The following CNTNAP4 variants were observed in gnomAD, a reference collection of about 807,000 sequenced individuals.
CNTNAP4 encodes the protein contactin-associated protein-like 4.
In CNTNAP4, 98 loss-of-function variants were observed where a neutral mutation model predicts 148.4. The observed-to-expected ratio is 0.66, with a 90% confidence interval of 0.56 to 0.78. The LOEUF is 0.78. Ranked by LOEUF, CNTNAP4 falls within the 30% of genes least tolerant of loss-of-function variation. The pLI, the probability that CNTNAP4 is intolerant of heterozygous loss-of-function variation, is 0.00. For missense variants in CNTNAP4, 1,935 were observed against 1,565.6 expected (o/e 1.24, Z -3.98); for synonymous variants, 730 against 565.1 (o/e 1.29, Z -4.14).
At chr16:76,548,483 T>G (rs1239426259) in intron 21 of CNTNAP4, among the ~76,000 whole-genome samples, 1 of 152,020 alleles carries the variant, frequency 6.6e-6, no homozygotes, top group Non-Finnish European at 1.5e-5. Flanking sequence ...TTACATGTAT[T>G]GTCGTATCTT....
chr16:76,299,222 T>C (rs972619594), intron 1 of CNTNAP4, among the ~76,000 whole-genome samples: 2 of 152,024 alleles, frequency 1.3e-5, no homozygotes, highest in Non-Finnish European at 2.9e-5. Flanking sequence ...ACATACAGAA[T>C]GGGAGAAAAT....
At chr16:76,408,441 C>G (rs2078681333) in intron 3 of CNTNAP4, among the ~76,000 whole-genome samples, 1 of 148,456 alleles carries the variant, frequency 6.7e-6, no homozygotes, top group South Asian at 2.1e-4. Context: ...ACTAGATACA[C>G]ACAAGTAAAC....
chr16:76,451,607 G>GTGTGTGTGTGTA (rs917567684), intron 7 of CNTNAP4, among the ~76,000 whole-genome samples: 1 of 150,596 alleles, frequency 6.6e-6, no homozygotes, highest in Non-Finnish European at 1.5e-5. Context: ...AGATGTGTGT[G>GTGTGTGTGTGTA]TGTGTGTGTG....
chr16:76,321,880 G>A (rs185430041), intron 2 of CNTNAP4, among the ~76,000 whole-genome samples: 1 of 151,378 alleles, frequency 6.6e-6, no homozygotes, highest in Admixed American at 6.6e-5. Flanking sequence ...TATGAAAAAA[G>A]AGTAAGATAT....
intron 7 of CNTNAP4, 70 bp from the exon 8 acceptor site, chr16:76,452,438 G>T: frequency 6.7e-7 from 1 of 1,496,368 alleles, no homozygotes. Flanking sequence ...TTGAAAAGCA[G>T]CCTTCAAATT....
chr16:76,285,190 A>G (rs752236162), intron 1 of CNTNAP4, among the ~76,000 whole-genome samples: 3 of 151,874 alleles, frequency 2.0e-5, no homozygotes, highest in Non-Finnish European at 4.4e-5. Context: ...GTGAATTTTC[A>G]TTATGGTTCA....
At chr16:76,481,406 G>A (rs1053324621) in intron 12 of CNTNAP4, among the ~76,000 whole-genome samples, 4 of 152,174 alleles carry the variant, frequency 2.6e-5, no homozygotes, top group Non-Finnish European at 5.9e-5. Context: ...ACAGCCGGGT[G>A]CAGTGGCTCA....
chr16:76,379,884 T>TA (rs2015795045), intron 3 of CNTNAP4, among the ~76,000 whole-genome samples: 1 of 152,212 alleles, frequency 6.6e-6, no homozygotes, highest in Admixed American at 6.5e-5. Flanking sequence ...TCTCTACTCT[T>TA]AAGTTCAGAT....
chr16:76,528,182 T>G (rs764171833), intron 17 of CNTNAP4, among the ~76,000 whole-genome samples: 16 of 152,216 alleles, frequency 1.1e-4, no homozygotes, highest in Non-Finnish European at 2.2e-4. Context: ...ATATATAATT[T>G]GGATTTAAAT....
chr16:76,513,429 C>T (rs1485420064), intron 15 of CNTNAP4, among the ~76,000 whole-genome samples: 3 of 152,074 alleles, frequency 2.0e-5, no homozygotes, highest in Non-Finnish European at 2.9e-5. Context: ...TATTACAGCA[C>T]GTGTACTTAC....
At chr16:76,433,909 C>A (rs2079709815) in intron 4 of CNTNAP4, among the ~76,000 whole-genome samples, 2 of 151,806 alleles carry the variant, frequency 1.3e-5, no homozygotes, top group Admixed American at 1.3e-4. Flanking sequence ...TCTGATTGGC[C>A]TAAAATCAAA....
chr16:76,467,412 G>A lies in CNTNAP4; in HGVS notation c.1544G>A (p.Cys515Tyr). The A allele has an allele frequency of 1.2e-6, 2 of 1,613,902 alleles. No individual in the cohort carries two copies. The highest frequency in any genetic ancestry group is 1.7e-6 in the Non-Finnish European group (2 of 1,179,838). Residue 515 changes from cysteine to tyrosine, a missense_variant, in exon 10 of 24, where the codon TGT (cysteine) becomes TAT (tyrosine). Cys to Tyr is a radical substitution (Grantham distance 194). Transcript: ENST00000611870. ...CKSPLGGFQGCMRLISISGKV... is the reference protein window; with the variant it reads ...CKSPLGGFQGYMRLISISGKV... Reference sequence around the variant, plus strand: ...AGTCCACTTGGTGGATTTCAGGGATGTATGAGGCTCATTTCTATCAGCGGC... The same window carrying A: ...AGTCCACTTGGTGGATTTCAGGGATATATGAGGCTCATTTCTATCAGCGGC...
chr16:76,451,599 A>ATGTGTGTGTG (rs71134761), intron 7 of CNTNAP4, among the ~76,000 whole-genome samples: 16,152 of 141,174 alleles, frequency 0.11, 1,062 homozygotes, highest in East Asian at 0.18. Flanking sequence ...TTTTAGATAG[A>ATGTGTGTGTG]TGTGTGTGTG....
At chr16:76,528,512 G>A (rs1019584934) in intron 17 of CNTNAP4, among the ~76,000 whole-genome samples, 3 of 152,104 alleles carry the variant, frequency 2.0e-5, no homozygotes, top group South Asian at 2.1e-4. Flanking sequence ...AGATCCACCC[G>A]CCTTGGCCTC....
intron 2 of CNTNAP4, among the ~76,000 whole-genome samples, chr16:76,338,393 C>G (rs1302708156): frequency 6.6e-6 from 1 of 152,122 alleles, no homozygotes; most frequent in African/African-American, 2.4e-5. Flanking sequence ...CCCTTTGCTC[C>G]CTTCACTCCC....
At chr16:76,460,588 C>T (rs777158899) in intron 8 of CNTNAP4, among the ~76,000 whole-genome samples, 5 of 143,976 alleles carry the variant, frequency 3.5e-5, no homozygotes, top group African/African-American at 1.0e-4. Flanking sequence ...GGTGAAACCC[C>T]GTCTCTACTA....
intron 1 of CNTNAP4, chr16:76,316,158 C>G: frequency 1.8e-6 from 1 of 540,986 alleles, no homozygotes; most frequent in Non-Finnish European, 3.3e-6. Flanking sequence ...ATAATCTTTT[C>G]TACCTTAAGA....
chr16:76,522,352 A>T, intron 17 of CNTNAP4, 95 bp downstream of exon 17: 1 of 998,620 alleles, frequency 1.0e-6, no homozygotes. Flanking sequence ...CAAGGATAAT[A>T]ACAACAAGCA....
intron 21 of CNTNAP4, among the ~76,000 whole-genome samples, chr16:76,549,074 G>T (rs993473444): frequency 6.6e-6 from 1 of 152,162 alleles, no homozygotes; most frequent in Admixed American, 6.5e-5. Flanking sequence ...ACAGGCAGGG[G>T]GATCCTGGAG....
Sources: gnomAD v4.1 joint callset for allele counts (sites outside exome capture counted in the v4.1 genomes callset) on GRCh38, gnomAD v4.1.1 for gene constraint, MANE v1.5 for transcripts, NCBI Gene and HGNC (gene_info 2026-07-23, HGNC 2026-07-21) for gene names.